ADARB2: variants seen among roughly 807,000 people sequenced by gnomAD.
The protein encoded by ADARB2 is inactive double-stranded RNA-specific editase B2.
A neutral mutation model predicts 62.2 loss-of-function variants in ADARB2; 25 were observed. The observed-to-expected ratio is 0.40, with a 90% confidence interval of 0.29 to 0.56. The LOEUF is 0.56. Ranked by LOEUF, ADARB2 falls within the 20% of genes least tolerant of loss-of-function variation. The pLI, the probability that ADARB2 is intolerant of heterozygous loss-of-function variation, is 0.43. For synonymous variants in ADARB2, 572 were observed against 500.8 expected, an observed-to-expected ratio of 1.14 and a Z score of -1.90; for missense variants, 1,071 against 1,077.4, an observed-to-expected ratio of 0.99 and a Z score of 0.08.
chr10:1,388,930 T>A (rs187984136), intron 1 of ADARB2, among the ~76,000 whole-genome samples: 1 of 152,156 alleles, frequency 6.6e-6, no homozygotes, highest in Non-Finnish European at 1.5e-5. Context: ...AAATACAATG[T>A]AGTAATGGCG....
At position 1,254,267 on chromosome 10, in the gene ADARB2, A is replaced by G. The variant is rs560364835; in HGVS notation, c.1193-11968T>C. On this transcript the variant is annotated intron_variant, in intron 4 of 9. Coordinates refer to ENST00000381312, the MANE Select transcript of ADARB2 (RefSeq NM_018702.4). ...TGTAGAACTCCAGTGCCTGTGAGGCAGTAGTAGTTTCTGGAGGGCCTCCTG... is the reference window on the plus strand; with the variant it reads ...TGTAGAACTCCAGTGCCTGTGAGGCGGTAGTAGTTTCTGGAGGGCCTCCTG... Among the ~76,000 whole-genome samples, 694 of 152,244 alleles carry G rather than the reference A, an allele frequency of 4.6e-3. 4 individuals are homozygous for G. Among genetic ancestry groups the G allele is most frequent in the African/African-American group, 0.016 (656 of 41,518 alleles).
rs1031782427 is a variant in ADARB2 at position 1,178,567 on chromosome 10, C to T, written c.*4626G>A. 2.0e-5 allele frequency: 3 copies of T among 152,288 alleles called. No homozygotes were observed. Among genetic ancestry groups the T allele is most frequent in the African/African-American group, 4.8e-5 (2 of 41,446 alleles). The allele number at this position is 152,288 out of a possible 1,614,324, so 9.4% of individuals were successfully genotyped here. A position where few individuals can be genotyped will look rare whatever the true frequency, so the allele number is the denominator to read the frequency against. On this transcript the variant is annotated 3_prime_UTR_variant, in exon 10 of 10. Coordinates refer to ENST00000381312, the MANE Select transcript of ADARB2 (RefSeq NM_018702.4). ...ACCCAGACAGCGGCAAGGCCTACAC[C>T]GTGTCCTCCAGCCACCCGCCTAGCC...
At chr10:1,393,485 G>A (rs1199703139) in intron 1 of ADARB2, among the ~76,000 whole-genome samples, 2 of 152,076 alleles carry the variant, frequency 1.3e-5, no homozygotes, top group Non-Finnish European at 2.9e-5. Flanking sequence ...TTGTGGGTAC[G>A]CATTAGCCAT....
chr10:1,219,585 G>C (rs189755421), intron 6 of ADARB2, among the ~76,000 whole-genome samples: 1 of 152,322 alleles, frequency 6.6e-6, no homozygotes, highest in East Asian at 1.9e-4. Flanking sequence ...ATTGAGCCTG[G>C]GCAGGCACAG....
chr10:1,543,060 C>A (rs563692560), intron 1 of ADARB2, among the ~76,000 whole-genome samples: 1 of 152,370 alleles, frequency 6.6e-6, no homozygotes, highest in South Asian at 2.1e-4. Flanking sequence ...GTTACAGCGA[C>A]GGTGCGGCTT....
chr10:1,416,716 A>G (rs1484149166), intron 1 of ADARB2, among the ~76,000 whole-genome samples: 1 of 152,256 alleles, frequency 6.6e-6, no homozygotes, highest in African/African-American at 2.4e-5. Context: ...ATGGCAGTCA[A>G]CCAGGTGCTC....
At chr10:1,439,031 C>T (rs1588258268) in intron 1 of ADARB2, among the ~76,000 whole-genome samples, 1 of 85,566 alleles carries the variant, frequency 1.2e-5, no homozygotes, top group South Asian at 6.1e-4. Context: ...CACTATGGGG[C>T]TCCTGAGTCT....
intron 3 of ADARB2, among the ~76,000 whole-genome samples, chr10:1,311,791 T>TAGCAC (rs1831693439): frequency 6.6e-6 from 1 of 152,188 alleles, no homozygotes; most frequent in South Asian, 2.1e-4. Flanking sequence ...AGCTACCATC[T>TAGCAC]CCGCCCTATG....
rs775756758 is a variant in ADARB2, at chr10:1,737,121, C to T, written c.30G>A (p.Gly10=). MASVLGSGR[G]SGGLSSQLKC... is the part of the protein sequence containing the mutation. ...TGAGTTGACTGCTCAGCCCTCCAGA[C>T]CCTCTGCCGCTCCCCAGGACCGAGG... The change falls in exon 1 of 10, where the codon GGG becomes GGA. Residue 10 remains glycine (G), a synonymous_variant. Coordinates refer to ENST00000381312, the MANE Select transcript of ADARB2 (RefSeq NM_018702.4). 88 of 1,610,232 alleles carry T rather than the reference C, an allele frequency of 5.5e-5. No individual in the cohort carries two copies. The highest frequency in any genetic ancestry group is 6.9e-5 in the Non-Finnish European group (81 of 1,179,914).
At chr10:1,641,874 G>A (rs1196442794) in intron 1 of ADARB2, among the ~76,000 whole-genome samples, 1 of 152,228 alleles carries the variant, frequency 6.6e-6, no homozygotes, top group East Asian at 1.9e-4. Flanking sequence ...TTAGTCAGGT[G>A]TGGTGGCGGG....
chr10:1,418,102 C>T (rs953980426), intron 1 of ADARB2, among the ~76,000 whole-genome samples: 2 of 152,218 alleles, frequency 1.3e-5, no homozygotes, highest in Admixed American at 6.5e-5. Context: ...CACAATTGCA[C>T]CTCCTCTGTC....
At chr10:1,569,495 A>G (rs1466148525) in intron 1 of ADARB2, among the ~76,000 whole-genome samples, 1 of 152,200 alleles carries the variant, frequency 6.6e-6, no homozygotes, top group Non-Finnish European at 1.5e-5. Context: ...CCCAACACCT[A>G]ACGAGGTCAG....
intron 1 of ADARB2, among the ~76,000 whole-genome samples, chr10:1,399,831 G>C (rs550162763): frequency 6.6e-6 from 1 of 152,312 alleles, no homozygotes; most frequent in South Asian, 2.1e-4. Flanking sequence ...ACAAAGGGAA[G>C]AAAACCCAGC....
chr10:1,455,830 C>A (rs554805397), intron 1 of ADARB2, among the ~76,000 whole-genome samples: 7 of 152,146 alleles, frequency 4.6e-5, no homozygotes, highest in Admixed American at 2.0e-4. Context: ...ACTATTCCCC[C>A]CTTCTGTCTA....
intron 1 of ADARB2, among the ~76,000 whole-genome samples, chr10:1,432,905 C>A (rs1294626443): frequency 6.6e-6 from 1 of 152,014 alleles, no homozygotes; most frequent in Non-Finnish European, 1.5e-5. Context: ...ACAGCCATAG[C>A]CTCTTCCTAA....
intron 7 of ADARB2, among the ~76,000 whole-genome samples, chr10:1,207,746 T>C (rs147848780): frequency 7.2e-5 from 11 of 152,356 alleles, no homozygotes; most frequent in African/African-American, 2.6e-4. Flanking sequence ...AAAGACACAT[T>C]GTGATCAATA....
intron 8 of ADARB2, among the ~76,000 whole-genome samples, chr10:1,194,970 C>T (rs2131739129): frequency 6.6e-6 from 1 of 152,286 alleles, no homozygotes; most frequent in Non-Finnish European, 1.5e-5. Context: ...TTATTTTGAT[C>T]TAATGAGTAA....
chr10:1,628,861 G>A (rs917114204), intron 1 of ADARB2, among the ~76,000 whole-genome samples: 8 of 152,340 alleles, frequency 5.3e-5, no homozygotes, highest in African/African-American at 1.9e-4. Flanking sequence ...CCAGGCCAGC[G>A]AATCACGGCT....
chr10:1,622,573 AG>A (rs1833716482), intron 1 of ADARB2, among the ~76,000 whole-genome samples: 1 of 152,222 alleles, frequency 6.6e-6, no homozygotes, highest in Non-Finnish European at 1.5e-5. Context: ...AAACTTAAAA[AG>A]ATGTATACCG....
Sources: gnomAD v4.1 joint callset for allele counts (sites outside exome capture counted in the v4.1 genomes callset) on GRCh38, gnomAD v4.1.1 for gene constraint, MANE v1.5 for transcripts, NCBI Gene and HGNC (gene_info 2026-07-23, HGNC 2026-07-21) for gene names.